Variants in SLAMF6 observed in about 807,000 individuals in gnomAD.
SLAMF6 encodes NK-T-B-antigen.
In SLAMF6, 21 loss-of-function variants were observed where a neutral mutation model predicts 38.3. The observed-to-expected ratio is 0.55, with a 90% CI of 0.39 to 0.79. The LOEUF is 0.79. SLAMF6 is among the 30% of genes least tolerant of loss of function. SLAMF6 has a pLI of 0.00. For missense variants in SLAMF6, 341 were observed against 385.3 expected (o/e 0.89, Z 0.96); for synonymous variants, 152 against 146.3 (o/e 1.04, Z -0.28).
chr1:160,515,920 A>ATTTT, intron 1 of SLAMF6, among the ~76,000 whole-genome samples: 1 of 152,210 alleles, frequency 6.6e-6, no homozygotes, highest in Admixed American at 6.5e-5. Context: ...CAAAACTGGA[A>ATTTT]GCATTTCTTG....
intron 1 of SLAMF6, among the ~76,000 whole-genome samples, chr1:160,516,880 A>T (rs898811133): frequency 2.6e-5 from 4 of 152,364 alleles, no homozygotes; most frequent in Admixed American, 6.5e-5. Context: ...TAAAGACTTA[A>T]ATGTAAAACT....
At chr1:160,490,539 T>G (rs753412695) in intron 4 of SLAMF6, 36 bp downstream of exon 4, 11 of 1,604,636 alleles carry the variant, frequency 6.9e-6, no homozygotes, top group Non-Finnish European at 8.5e-6. Context: ...CACTGGAACC[T>G]TGGAGAAGAG....
In SLAMF6 at chr1:160,487,099, CT is replaced by C. The variant is rs752298297; in HGVS notation, c.951+4del. The C allele has an allele frequency of 6.2e-7, 1 of 1,607,396 alleles. No homozygotes were observed. Among genetic ancestry groups the C allele is most frequent in the Non-Finnish European group, 8.5e-7 (1 of 1,174,480 alleles). On this transcript the variant is annotated splice_donor_region_variant and intron_variant, in intron 7 of 7. Transcript: ENST00000368057. ...TATAAAAACATGGAGCAATCGTGGG[CT>C]TACCTCTTTGGAATGATTAATTGTG...
At position 160,491,034 on chromosome 1, in the gene SLAMF6, C is replaced by T. The variant is rs893587348; in HGVS notation, c.646+91G>A. 12 of 1,519,446 alleles carry T rather than the reference C, an allele frequency of 7.9e-6. No individual in the cohort carries two copies. The African/African-American group carries it at 1.6e-4, about 21-fold the overall frequency. The allele number at this position is 1,519,446 out of a possible 1,614,324, so 94.1% of individuals were successfully genotyped here. ...TCCCAGCAGCATTTTCTGCCTCCCACTGGGCCACTGTATTGGAAATTACGT... is the reference window on the plus strand; with the variant it reads ...TCCCAGCAGCATTTTCTGCCTCCCATTGGGCCACTGTATTGGAAATTACGT... On this transcript the variant is annotated intron_variant, in intron 3 of 7. Coordinates refer to ENST00000368057, the MANE Select transcript of SLAMF6 (RefSeq NM_001184714.2).
chr1:160,490,791 G>C (rs1653246040), intron 3 of SLAMF6, 106 bp from the exon 4 acceptor site: 1 of 1,489,696 alleles, frequency 6.7e-7, no homozygotes, highest in Non-Finnish European at 8.9e-7. Flanking sequence ...GACTAGGTAA[G>C]TTTGTCTATA....
At chr1:160,507,299 A>C (rs140533684) in intron 1 of SLAMF6, among the ~76,000 whole-genome samples, 5 of 152,282 alleles carry the variant, frequency 3.3e-5, no homozygotes, top group Admixed American at 6.5e-5. Flanking sequence ...GCAAAAAAGG[A>C]CATTATACAT....
At chr1:160,519,861 A>C (rs1429290002) in intron 1 of SLAMF6, among the ~76,000 whole-genome samples, 1 of 152,168 alleles carries the variant, frequency 6.6e-6, no homozygotes, top group Non-Finnish European at 1.5e-5. Context: ...AAAATGTTTT[A>C]GAATAATAGA....
intron 2 of SLAMF6, among the ~76,000 whole-genome samples, chr1:160,492,989 C>T (rs1180030008): frequency 6.6e-6 from 1 of 152,088 alleles, no homozygotes; most frequent in East Asian, 1.9e-4. Flanking sequence ...ACCCTTCCCC[C>T]TTGAACTCTA....
chr1:160,490,648 C>G lies in SLAMF6; in HGVS notation c.684G>C (p.Leu228=). 6.2e-7 allele frequency: 1 copy of G among 1,613,756 alleles called. No homozygotes were observed. Among genetic ancestry groups the G allele is most frequent in the Non-Finnish European group, 8.5e-7 (1 of 1,179,776 alleles). ...CTATGCATATCCCAGAAACCATAAACAGAATCATTTTGGTATCTGTATATT... is the reference window on the plus strand; with the variant it reads ...CTATGCATATCCCAGAAACCATAAAGAGAATCATTTTGGTATCTGTATATT... ...KIQYTDTKMI[L]FMVSGICIVF... is the part of the protein sequence containing the mutation. Residue 228 remains leucine, a synonymous_variant, in exon 4 of 8, where the codon CTG becomes CTC. Coordinates refer to ENST00000368057, the MANE Select transcript of SLAMF6 (RefSeq NM_001184714.2).
chr1:160,489,632 TACAG>T (rs1404025125), intron 5 of SLAMF6, among the ~76,000 whole-genome samples: 1 of 152,168 alleles, frequency 6.6e-6, no homozygotes, highest in Non-Finnish European at 1.5e-5. Context: ...TGCAAAGCCA[TACAG>T]ACAGTGATGA....
chr1:160,521,168 G>A (rs910484265), intron 1 of SLAMF6, among the ~76,000 whole-genome samples: 4 of 152,092 alleles, frequency 2.6e-5, no homozygotes, highest in South Asian at 2.1e-4. Context: ...CACAGACTCC[G>A]GAGCCAAGCT....
chr1:160,491,676 A>G (rs1653309820), intron 2 of SLAMF6, among the ~76,000 whole-genome samples: 1 of 152,080 alleles, frequency 6.6e-6, no homozygotes, highest in African/African-American at 2.4e-5. Flanking sequence ...TGGTTATTTT[A>G]TATTTCTGGT....
chr1:160,490,097 C>A (rs969091200), intron 5 of SLAMF6, 101 bp downstream of exon 5: 17 of 1,321,322 alleles, frequency 1.3e-5, no homozygotes, highest in Admixed American at 5.0e-5. Flanking sequence ...CATTCTGACT[C>A]CTTCCTCTGT....
intron 1 of SLAMF6, among the ~76,000 whole-genome samples, chr1:160,516,734 AACGTG>A: frequency 6.6e-6 from 1 of 152,320 alleles, no homozygotes; most frequent in Admixed American, 6.5e-5. Context: ...ATCTTCAAAA[AACGTG>A]ACAAAAACAA....
chr1:160,510,601 A>G (rs1345348705), intron 1 of SLAMF6, among the ~76,000 whole-genome samples: 1 of 152,212 alleles, frequency 6.6e-6, no homozygotes. Context: ...GTCTGATAAA[A>G]GGCATTTATG....
At chr1:160,519,106 T>C (rs1321546790) in intron 1 of SLAMF6, among the ~76,000 whole-genome samples, 3 of 152,060 alleles carry the variant, frequency 2.0e-5, no homozygotes, top group African/African-American at 7.2e-5. Flanking sequence ...CTCTTATAAC[T>C]CAATAGCAAA....
chr1:160,507,703 A>C (rs1654263769), intron 1 of SLAMF6, among the ~76,000 whole-genome samples: 2 of 152,162 alleles, frequency 1.3e-5, no homozygotes, highest in African/African-American at 4.8e-5. Flanking sequence ...TATGACCATA[A>C]ATGGAATAAA....
intron 1 of SLAMF6, among the ~76,000 whole-genome samples, chr1:160,503,163 G>T (rs1653997994): frequency 6.6e-6 from 1 of 152,164 alleles, no homozygotes; most frequent in South Asian, 2.1e-4. Context: ...AGGGGAAGAA[G>T]TTGGAATATT....
chr1:160,496,321 G>A lies in SLAMF6; in HGVS notation c.122C>T (p.Pro41Leu), dbSNP rs766194315. 10 of 1,613,854 alleles carry A rather than the reference G, an allele frequency of 6.2e-6. No individual in the cohort carries two copies. Among genetic ancestry groups the A allele is most frequent in the Non-Finnish European group, 7.6e-6 (9 of 1,179,916 alleles). ...CTTCTCTCCTGCAGGAAACTCCAGG[G>A]GAAGAGTTACTGACTCCCCCAGAAT... is the stretch of plus-strand genomic sequence containing the variant. ...NGILGESVTL[P>L]LEFPAGEKVN... Residue 41 changes from proline (P) to leucine (L), a missense_variant, in exon 2 of 8, where the codon CCC becomes CTC. Transcript: ENST00000368057.
Sources: allele counts gnomAD v4.1 joint callset (sites outside exome capture counted in the v4.1 genomes callset), GRCh38; gene constraint gnomAD v4.1.1; transcripts MANE v1.5; gene names NCBI Gene and HGNC (gene_info 2026-07-23, HGNC 2026-07-21).